LTBP2: variants seen among roughly 807,000 people sequenced by gnomAD.
LTBP2 encodes the protein latent-transforming growth factor beta-binding protein 2.
Under a neutral mutation model 210.6 loss-of-function variants are expected in LTBP2, and 103 were observed. The observed-to-expected ratio is 0.49, with a 90% CI of 0.42 to 0.58. The LOEUF is 0.58. Among genes scored for constraint, LTBP2 ranks in the 20% least tolerant of loss-of-function variants. The probability of loss-of-function intolerance (pLI) is 0.00; values close to 1 mark genes in which losing one functional copy is unlikely to be tolerated. For synonymous variants in LTBP2, 1,007 were observed against 1,015.0 expected, an observed-to-expected ratio of 0.99 and a Z score of 0.15; for missense variants, 2,313 against 2,494.5, an observed-to-expected ratio of 0.93 and a Z score of 1.55.
At chr14:74,526,548 G>T (rs1211929975) in intron 13 of LTBP2, among the ~76,000 whole-genome samples, 1 of 152,222 alleles carries the variant, frequency 6.6e-6, no homozygotes, top group Non-Finnish European at 1.5e-5. Context: ...ATAGCCAGTG[G>T]ACAGAATTTG....
chr14:74,564,894 C>G (rs1350095742), intron 3 of LTBP2, among the ~76,000 whole-genome samples: 1 of 152,170 alleles, frequency 6.6e-6, no homozygotes, highest in Non-Finnish European at 1.5e-5. Context: ...GTTACCAAAC[C>G]AGGTAACTTC....
At position 74,518,980 on chromosome 14, in the gene LTBP2, G is replaced by C. The variant is rs140969315; in HGVS notation, c.2789-2039C>G. The stretch of plus-strand genomic sequence containing the variant: ...GACGACTGTCTGATAGATGGTGCTG[G>C]AAAACTCCCTCACTCCATGGAGAAA... On this transcript the variant is annotated intron_variant, in intron 17 of 35. Transcript: ENST00000261978. Among the ~76,000 whole-genome samples, 6 of 152,294 alleles carry C rather than the reference G, an allele frequency of 3.9e-5. No individual in the cohort carries two copies. In the East Asian group the frequency reaches 7.7e-4, roughly 20 times the overall value.
intron 3 of LTBP2, among the ~76,000 whole-genome samples, chr14:74,572,884 T>C (rs1322960791): frequency 6.6e-6 from 1 of 152,212 alleles, no homozygotes; most frequent in Non-Finnish European, 1.5e-5. Flanking sequence ...TTTCCTCTCT[T>C]TTCTTGCTTC....
At chr14:74,581,677 C>A (rs1254933091) in intron 3 of LTBP2, among the ~76,000 whole-genome samples, 1 of 152,192 alleles carries the variant, frequency 6.6e-6, no homozygotes, top group African/African-American at 2.4e-5. Flanking sequence ...CCCCTAGAGC[C>A]CCAGGAGCCT....
At chr14:74,536,935 A>T (rs1457239554) in intron 8 of LTBP2, among the ~76,000 whole-genome samples, 3 of 152,232 alleles carry the variant, frequency 2.0e-5, no homozygotes, top group Non-Finnish European at 4.4e-5. Flanking sequence ...AAAATGTATT[A>T]TATACTTCAC....
chr14:74,579,984 C>T (rs1018381448), intron 3 of LTBP2, among the ~76,000 whole-genome samples: 1 of 152,166 alleles, frequency 6.6e-6, no homozygotes, highest in Non-Finnish European at 1.5e-5. Context: ...GAGTCATGCT[C>T]GAGGTGCTGG....
At chr14:74,565,924 C>T (rs1279585562) in intron 3 of LTBP2, among the ~76,000 whole-genome samples, 3 of 152,162 alleles carry the variant, frequency 2.0e-5, no homozygotes, top group East Asian at 1.9e-4. Context: ...CAACCTCTGG[C>T]GCCTGCTACC....
intron 17 of LTBP2, among the ~76,000 whole-genome samples, chr14:74,521,492 C>T (rs2087202342): frequency 1.3e-5 from 2 of 152,138 alleles, no homozygotes; most frequent in South Asian, 4.1e-4. Context: ...GAGCCGTGCT[C>T]CTCGTTCAAA....
chr14:74,511,438 C>T, intron 18 of LTBP2, 74 bp from the exon 19 acceptor site: 2 of 1,590,398 alleles, frequency 1.3e-6, no homozygotes, highest in South Asian at 1.1e-5. Context: ...CACAGCAAAT[C>T]CTTGTCCCTG....
intron 2 of LTBP2, among the ~76,000 whole-genome samples, chr14:74,591,122 A>G (rs944377067): frequency 3.3e-5 from 5 of 152,204 alleles, no homozygotes; most frequent in African/African-American, 1.2e-4. Flanking sequence ...CTAATAATAC[A>G]TTCCGAAAAC....
chr14:74,534,222 C>T (rs2087389803), intron 9 of LTBP2, among the ~76,000 whole-genome samples: 1 of 152,180 alleles, frequency 6.6e-6, no homozygotes. Flanking sequence ...CTTCTGGGTT[C>T]CCTGTCACTT....
rs756157202 is a variant in LTBP2 at position 74,509,801 on chromosome 14, C to T, written c.3210G>A (p.Glu1070=). 2 of 1,614,048 alleles carry T rather than the reference C, an allele frequency of 1.2e-6. No individual in the cohort carries two copies. The highest frequency in any genetic ancestry group is 2.2e-5 in the East Asian group (1 of 44,866). Residue 1070 remains glutamate (E), a synonymous_variant, in exon 21 of 36, where the codon GAG becomes GAA. Coordinates refer to ENST00000261978, the MANE Select transcript of LTBP2 (RefSeq NM_000428.3). ...SCPTGLCLNT[E]GSFACSACEN... ...CACAGGCAGAGCAGGCGAAGGAGCCCTCCGTGTTGAGGCAGAGGCCTGTGG... is the reference window on the plus strand; with the variant it reads ...CACAGGCAGAGCAGGCGAAGGAGCCTTCCGTGTTGAGGCAGAGGCCTGTGG...
chr14:74,525,319 G>C, intron 14 of LTBP2, 94 bp from the exon 15 acceptor site: 1 of 601,942 alleles, frequency 1.7e-6, no homozygotes. Flanking sequence ...CAAGAACGAA[G>C]GGTGAAGCCT....
At chr14:74,508,130 C>T (rs756330646) in intron 24 of LTBP2, 35 bp from the exon 25 acceptor site, 20 of 1,612,386 alleles carry the variant, frequency 1.2e-5, no homozygotes, top group Admixed American at 6.7e-5. Flanking sequence ...GACCCAGCCA[C>T]GGGTCCCTTC....
In LTBP2 at chr14:74,508,461, G is replaced by A. The variant is rs1467948873; in HGVS notation, c.3652+143C>T. ...CATCTTCTCCTCCCTGGGCAGGGCC[G>A]TGAGCACTTGCTCTCAGTACTGGTA... is the stretch of plus-strand genomic sequence containing the variant. On this transcript the variant is annotated intron_variant, in intron 24 of 35. Transcript: ENST00000261978. The A allele has an allele frequency of 2.4e-5, 35 of 1,461,786 alleles. No homozygotes were observed. In the East Asian group the frequency reaches 2.5e-4, roughly 10 times the overall value. The allele number at this position is 1,461,786 out of a possible 1,614,324, so 90.6% of individuals were successfully genotyped here. A position where few individuals can be genotyped will look rare whatever the true frequency, so the allele number is the denominator to read the frequency against.
chr14:74,545,950 G>A (rs1346266106), intron 8 of LTBP2, among the ~76,000 whole-genome samples: 1 of 152,194 alleles, frequency 6.6e-6, no homozygotes, highest in Non-Finnish European at 1.5e-5. Context: ...TGGCATTCTG[G>A]AACAAAAGGG....
chr14:74,503,339 CT>C lies in LTBP2; in HGVS notation c.4767del (p.Val1590SerfsTer151). ...GGTTCGCTGCACACATCATTGGTGA[CT>C]TTTTTCCAGCAGATGTCCATGTGGA... The part of the protein sequence containing the change: ...HDIHMDICWK[K>X]VTNDVCSEPL... On this transcript the variant is annotated frameshift_variant, in exon 33 of 36. Transcript: ENST00000261978. LOFTEE classifies it high-confidence loss of function. 6.2e-7 allele frequency: 1 copy of C among 1,613,814 alleles called. No homozygotes were observed.
intron 34 of LTBP2, 78 bp downstream of exon 34, chr14:74,502,575 T>A: frequency 6.3e-7 from 1 of 1,595,718 alleles, no homozygotes; most frequent in Non-Finnish European, 8.6e-7. Flanking sequence ...CTGCTGGCAA[T>A]ATGACTAGCA....
intron 2 of LTBP2, among the ~76,000 whole-genome samples, chr14:74,596,804 T>C (rs1252842179): frequency 6.6e-6 from 1 of 152,172 alleles, no homozygotes; most frequent in African/African-American, 2.4e-5. Flanking sequence ...GGGGTGCCAG[T>C]TAACAGAGTG....
Sources: gnomAD v4.1 joint callset for allele counts (sites outside exome capture counted in the v4.1 genomes callset) on GRCh38, gnomAD v4.1.1 for gene constraint, MANE v1.5 for transcripts, NCBI Gene and HGNC (gene_info 2026-07-23, HGNC 2026-07-21) for gene names.